Variants in PCDHGA1 observed in about 807,000 individuals in gnomAD.
The protein encoded by PCDHGA1 is protocadherin gamma-A1.
Under a neutral mutation model 58.0 loss-of-function variants are expected in PCDHGA1, and 32 were observed. The ratio of observed to expected loss-of-function variants is 0.55; its 90% CI spans 0.42 to 0.74. The LOEUF (loss-of-function observed/expected upper bound fraction) is 0.74, where lower values mean the gene tolerates loss of function less well. PCDHGA1 is among the 30% of genes least tolerant of loss of function. The pLI is 0.00. For synonymous variants in PCDHGA1, 498 were observed against 501.1 expected, an observed-to-expected ratio of 0.99 and a Z score of 0.08; for missense variants, 1,205 against 1,182.3, an observed-to-expected ratio of 1.02 and a Z score of -0.28.
intron 1 of PCDHGA1, chr5:141,345,852 C>G (rs778125915): frequency 1.2e-6 from 2 of 1,613,350 alleles, no homozygotes; most frequent in African/African-American, 2.7e-5. Flanking sequence ...GCTGTCCTAC[C>G]GCCTGCTCAA....
At chr5:141,381,826 CTTTTTTTTTT>C (rs770630741) in intron 1 of PCDHGA1, among the ~76,000 whole-genome samples, 5 of 74,284 alleles carry the variant, frequency 6.7e-5, no homozygotes, top group South Asian at 5.1e-4. Context: ...CTTTCTTCTT[CTTTTTTTTTT>C]TTTTTTTTTT....
intron 2 of PCDHGA1, among the ~76,000 whole-genome samples, chr5:141,497,977 G>A (rs1368982839): frequency 6.6e-6 from 1 of 152,216 alleles, no homozygotes; most frequent in Admixed American, 6.5e-5. Context: ...CTCGATGTGG[G>A]AGGCCCCTGC....
At chr5:141,420,025 T>A in intron 1 of PCDHGA1, 1 of 1,614,096 alleles carries the variant, frequency 6.2e-7, no homozygotes, top group Non-Finnish European at 8.5e-7. Context: ...TCAGCCCTAC[T>A]GCAGGAGACT....
At chr5:141,367,777 T>C (rs1765325375) in intron 1 of PCDHGA1, 1 of 152,150 alleles carries the variant, frequency 6.6e-6, no homozygotes, top group Non-Finnish European at 1.5e-5. Flanking sequence ...AATGTAAATA[T>C]GTCACACACC....
intron 1 of PCDHGA1, chr5:141,341,102 T>C (rs775144187): frequency 4.9e-5 from 79 of 1,614,078 alleles, no homozygotes; most frequent in Middle Eastern, 3.3e-4. Flanking sequence ...CGTCATCGTG[T>C]TGCTGGCGCA....
chr5:141,466,375 C>A (rs2099121518), intron 1 of PCDHGA1, among the ~76,000 whole-genome samples: 1 of 152,042 alleles, frequency 6.6e-6, no homozygotes, highest in Non-Finnish European at 1.5e-5. Context: ...GGTTTTGGCA[C>A]CCATCTAATG....
intron 1 of PCDHGA1, among the ~76,000 whole-genome samples, chr5:141,434,129 G>T (rs1242855904): frequency 6.6e-6 from 1 of 152,092 alleles, no homozygotes; most frequent in East Asian, 1.9e-4. Flanking sequence ...CTCCCTTTAG[G>T]CTGATTTCTA....
intron 1 of PCDHGA1, among the ~76,000 whole-genome samples, chr5:141,337,632 G>C (rs966980918): frequency 5.3e-5 from 8 of 152,186 alleles, no homozygotes; most frequent in Admixed American, 4.6e-4. Context: ...AAGGCAATGG[G>C]GAGTTGCTAT....
At chr5:141,419,052 C>A (rs1017300472) in intron 1 of PCDHGA1, 6 of 1,613,948 alleles carry the variant, frequency 3.7e-6, no homozygotes, top group East Asian at 2.2e-5. Context: ...CATTCTTCTT[C>A]TAATAATTAC....
chr5:141,409,087 T>C (rs753624565), intron 1 of PCDHGA1: 1 of 1,613,990 alleles, frequency 6.2e-7, no homozygotes, highest in Admixed American at 1.7e-5. Flanking sequence ...TCTCATTGGA[T>C]GAGAAAACAG....
rs2099637746 is a variant in PCDHGA1, at chr5:141,486,980, A to G, written c.2422-7827A>G. Reference sequence around the variant, plus strand: ...TGCTGTGGACTTGGATTCAGGTTACAATGCTTGGGTTTCCTATCAGCTCCT... The same window carrying G: ...TGCTGTGGACTTGGATTCAGGTTACGATGCTTGGGTTTCCTATCAGCTCCT... On this transcript the variant is annotated intron_variant, in intron 1 of 3. Coordinates refer to ENST00000517417, the MANE Select transcript of PCDHGA1 (RefSeq NM_018912.3). This position sits in a 1 kb window ranked among gnomAD's most constrained non-coding sequence, Gnocchi z 5.0. The G allele has an allele frequency of 1.2e-6, 2 of 1,614,040 alleles. No individual in the cohort carries two copies. The highest frequency in any genetic ancestry group is 1.3e-5 in the African/African-American group (1 of 74,908).
chr5:141,375,612 A>AC (rs1771652841), intron 1 of PCDHGA1: 1 of 1,614,014 alleles, frequency 6.2e-7, no homozygotes. Flanking sequence ...ATCAACTCCG[A>AC]CACTGGGATT....
rs757568006 is a variant in PCDHGA1 at position 141,389,895 on chromosome 5, C to A, written c.2421+56790C>A. 1.2e-5 allele frequency: 20 copies of A among 1,614,088 alleles called. No homozygotes were observed. In the Middle Eastern group the frequency reaches 2.0e-3, roughly 160 times the overall value. On this transcript the variant is annotated intron_variant, in intron 1 of 3. Coordinates refer to ENST00000517417, the MANE Select transcript of PCDHGA1 (RefSeq NM_018912.3). Reference sequence around the variant, plus strand: ...CGCCGACAGCTTGCAGGAGGTGCTGCCGGATATCACTGACCGCCCCGACCC... The same window carrying A: ...CGCCGACAGCTTGCAGGAGGTGCTGACGGATATCACTGACCGCCCCGACCC...
chr5:141,408,506 T>C, intron 1 of PCDHGA1: 2 of 1,614,010 alleles, frequency 1.2e-6, no homozygotes, highest in Non-Finnish European at 1.7e-6. Flanking sequence ...GAGAAGAAGA[T>C]GTGAGTTGCA....
intron 1 of PCDHGA1, among the ~76,000 whole-genome samples, chr5:141,481,245 T>C (rs1362728826): frequency 6.6e-6 from 1 of 152,194 alleles, no homozygotes; most frequent in East Asian, 1.9e-4. Context: ...TTACATAGCA[T>C]AGCTCTAAAA....
Position 141,338,064 on chromosome 5 carries a change from T to A in PCDHGA1, c.2421+4959T>A, listed in dbSNP as rs1756726197. Among the ~76,000 whole-genome samples, 3 of 152,188 alleles carry A rather than the reference T, an allele frequency of 2.0e-5. No homozygotes were observed. In the South Asian group the frequency reaches 6.2e-4, roughly 31 times the overall value. On this transcript the variant is annotated intron_variant, in intron 1 of 3. Coordinates refer to ENST00000517417, the MANE Select transcript of PCDHGA1 (RefSeq NM_018912.3). ...TTATGATTCAGCTTCAATCATGCCC[T>A]CAAAAAGACTTTTCTGACCCCAAAT...
chr5:141,478,352 G>T lies in PCDHGA1; in HGVS notation c.2422-16455G>T, dbSNP rs767743120. 36 of 1,613,674 alleles carry T rather than the reference G, an allele frequency of 2.2e-5. No homozygotes were observed. Among genetic ancestry groups the T allele is most frequent in the Non-Finnish European group, 3.1e-5 (36 of 1,180,016 alleles). On this transcript the variant is annotated intron_variant, in intron 1 of 3. Transcript: ENST00000517417. ...ACCAGGGCCCTCCTTGCACGCGGACGCCGTGCGGGGAGGCCTGATGTCGCC... is the reference window on the plus strand; with the variant it reads ...ACCAGGGCCCTCCTTGCACGCGGACTCCGTGCGGGGAGGCCTGATGTCGCC...
chr5:141,459,406 A>C (rs2098967498), intron 1 of PCDHGA1, among the ~76,000 whole-genome samples: 1 of 152,218 alleles, frequency 6.6e-6, no homozygotes, highest in Admixed American at 6.5e-5. Flanking sequence ...GCAGTATTGC[A>C]TTGTGTGGAT....
At chr5:141,370,659 C>T (rs1394525404) in intron 1 of PCDHGA1, 1 of 1,613,780 alleles carries the variant, frequency 6.2e-7, no homozygotes, top group South Asian at 1.1e-5. Context: ...TGTGAGCGAC[C>T]GTATAGACCG....
Sources: gnomAD v4.1 joint callset for allele counts (sites outside exome capture counted in the v4.1 genomes callset) on GRCh38, gnomAD v4.1.1 for gene constraint, Gnocchi (gnomAD v3.1) non-coding constraint, MANE v1.5 for transcripts, NCBI Gene and HGNC (gene_info 2026-07-23, HGNC 2026-07-21) for gene names.